The following GFRAL variants were observed in gnomAD, a reference collection of about 807,000 sequenced individuals.
GFRAL encodes the protein GDNF family receptor alpha-like.
In GFRAL, 36 loss-of-function variants were observed where a neutral mutation model predicts 45.4. That is an observed-to-expected ratio of 0.79 (90% CI 0.61 to 1.05). GFRAL has a LOEUF of 1.05. Ranked by LOEUF, GFRAL falls within the 50% of genes least tolerant of loss-of-function variation. GFRAL has a pLI of 0.00. For synonymous variants in GFRAL, 166 were observed against 154.1 expected, an observed-to-expected ratio of 1.08 and a Z score of -0.57; for missense variants, 507 against 467.5, an observed-to-expected ratio of 1.08 and a Z score of -0.78.
chr6:55,333,946 TA>T lies in GFRAL; in HGVS notation c.316+4del. 6.6e-7 allele frequency: 1 copy of T among 1,506,022 alleles called. No individual in the cohort carries two copies. Among genetic ancestry groups the T allele is most frequent in the Non-Finnish European group, 9.0e-7 (1 of 1,116,154 alleles). The allele number at this position is 1,506,022 out of a possible 1,614,324, so 93.3% of individuals were successfully genotyped here. A position where few individuals can be genotyped will look rare whatever the true frequency, so the allele number is the denominator to read the frequency against. On this transcript the variant is annotated splice_donor_region_variant and intron_variant, in intron 3 of 8. Coordinates refer to ENST00000340465, the MANE Select transcript of GFRAL (RefSeq NM_207410.2). ...GAAAAAAATGTATCAATAAATCAGG[TA>T]ATATTTTGTTTTAAGAAATGTTTAT...
chr6:55,398,883 T>C (rs974657776), intron 6 of GFRAL, among the ~76,000 whole-genome samples: 1 of 152,166 alleles, frequency 6.6e-6, no homozygotes, highest in East Asian at 1.9e-4. Context: ...AAAGTAACCA[T>C]CTTTTATTTT....
intron 6 of GFRAL, among the ~76,000 whole-genome samples, chr6:55,381,054 T>C (rs1411166973): frequency 3.9e-5 from 6 of 151,938 alleles, no homozygotes. Context: ...TCTCAAAAAG[T>C]TTGAGTAGTA....
At chr6:55,369,420 G>C (rs146777368) in intron 6 of GFRAL, among the ~76,000 whole-genome samples, 1 of 152,194 alleles carries the variant, frequency 6.6e-6, no homozygotes, top group South Asian at 2.1e-4. Context: ...GCTCAGGCTC[G>C]GAGCTGTAGA....
intron 3 of GFRAL, among the ~76,000 whole-genome samples, chr6:55,340,659 C>G (rs796959859): frequency 1.3e-5 from 2 of 152,200 alleles, no homozygotes; most frequent in African/African-American, 4.8e-5. Flanking sequence ...CTCACTGGGG[C>G]TTGTCAGACA....
intron 6 of GFRAL, among the ~76,000 whole-genome samples, chr6:55,374,960 C>T (rs1295497793): frequency 6.6e-6 from 1 of 152,044 alleles, no homozygotes; most frequent in East Asian, 1.9e-4. Context: ...TTTGAGCTCT[C>T]TATTCTCTTC....
intron 5 of GFRAL, among the ~76,000 whole-genome samples, chr6:55,352,940 T>C (rs1408787527): frequency 6.6e-6 from 1 of 152,008 alleles, no homozygotes; most frequent in South Asian, 2.1e-4. Context: ...AGAAGACAGA[T>C]ATTAAATTAA....
chr6:55,333,807 T>C lies in GFRAL; in HGVS notation c.179T>C (p.Met60Thr). The C allele has an allele frequency of 2.5e-6, 4 of 1,599,018 alleles. No homozygotes were observed. The highest frequency in any genetic ancestry group is 3.4e-6 in the Non-Finnish European group (4 of 1,173,566). The change falls in exon 3 of 9, where the codon ATG becomes ACG. Residue 60 changes from methionine to threonine, a missense_variant. Coordinates refer to ENST00000340465, the MANE Select transcript of GFRAL (RefSeq NM_207410.2). ...NDSDPGDPCK[M>T]RNSSYCNLSI... ...TGAGATCCAGGTGACCCCTGCAAGATGAGGAATTCATCATACTGTAACCTG... is the reference window on the plus strand; with the variant it reads ...TGAGATCCAGGTGACCCCTGCAAGACGAGGAATTCATCATACTGTAACCTG...
At chr6:55,351,812 A>C (rs1002155622) in intron 5 of GFRAL, among the ~76,000 whole-genome samples, 1 of 152,170 alleles carries the variant, frequency 6.6e-6, no homozygotes, top group Non-Finnish European at 1.5e-5. Flanking sequence ...ATGTCAAAAT[A>C]TGGTAGCCAT....
chr6:55,340,594 G>A (rs1389390711), intron 3 of GFRAL, among the ~76,000 whole-genome samples: 7 of 152,148 alleles, frequency 4.6e-5, no homozygotes, highest in Non-Finnish European at 1.0e-4. Context: ...CTCCCAGCCT[G>A]AGTGATGCAG....
chr6:55,340,150 A>G (rs942965972), intron 3 of GFRAL, among the ~76,000 whole-genome samples: 17 of 152,204 alleles, frequency 1.1e-4, no homozygotes, highest in Non-Finnish European at 2.1e-4. Flanking sequence ...GAAATTGATA[A>G]TTTAAATATG....
At chr6:55,397,515 A>T (rs1768842837) in intron 6 of GFRAL, among the ~76,000 whole-genome samples, 1 of 95,432 alleles carries the variant, frequency 1.0e-5, no homozygotes, top group African/African-American at 4.0e-5. Context: ...ACAGAGCGAG[A>T]CTCCGTCTCA....
chr6:55,352,253 A>T (rs773798882), intron 5 of GFRAL, among the ~76,000 whole-genome samples: 23 of 152,218 alleles, frequency 1.5e-4, no homozygotes, highest in Non-Finnish European at 2.4e-4. Context: ...ATTGCAAACC[A>T]TACATAATAA....
intron 6 of GFRAL, among the ~76,000 whole-genome samples, chr6:55,379,590 C>G (rs894660533): frequency 8.5e-6 from 1 of 118,270 alleles, no homozygotes; most frequent in East Asian, 2.1e-4. Flanking sequence ...CACACACACA[C>G]ACACACAAAC....
At chr6:55,395,934 G>A (rs543613275) in intron 6 of GFRAL, among the ~76,000 whole-genome samples, 4 of 152,114 alleles carry the variant, frequency 2.6e-5, no homozygotes, top group Middle Eastern at 3.4e-3. Context: ...GTTCATAATC[G>A]TGTTTAATTT....
At chr6:55,332,986 TAATC>T (rs1315102644) in intron 2 of GFRAL, among the ~76,000 whole-genome samples, 1 of 152,084 alleles carries the variant, frequency 6.6e-6, no homozygotes, top group Admixed American at 6.5e-5. Flanking sequence ...AATCTAAAAA[TAATC>T]TATTTATTTT....
chr6:55,367,716 G>C (rs888165133), intron 6 of GFRAL, among the ~76,000 whole-genome samples: 1 of 150,040 alleles, frequency 6.7e-6, no homozygotes, highest in Non-Finnish European at 1.5e-5. Context: ...AGTTTGGCTG[G>C]ATATGAAATT....
At chr6:55,392,474 CT>C (rs1768766171) in intron 6 of GFRAL, among the ~76,000 whole-genome samples, 1 of 152,342 alleles carries the variant, frequency 6.6e-6, no homozygotes, top group African/African-American at 2.4e-5. Flanking sequence ...ATTTCTGGTT[CT>C]GCTGTAATGG....
chr6:55,369,343 G>A (rs1170753443), intron 6 of GFRAL, among the ~76,000 whole-genome samples: 4 of 152,170 alleles, frequency 2.6e-5, no homozygotes, highest in African/African-American at 7.2e-5. Flanking sequence ...CCTACTGTCT[G>A]GCACTCCCTA....
At chr6:55,345,163 A>G (rs1768021201) in intron 3 of GFRAL, among the ~76,000 whole-genome samples, 1 of 152,170 alleles carries the variant, frequency 6.6e-6, no homozygotes, top group African/African-American at 2.4e-5. Context: ...GCTACCAATG[A>G]CTTCCTTCAC....
Sources: gnomAD v4.1 joint callset for allele counts (sites outside exome capture counted in the v4.1 genomes callset) on GRCh38, gnomAD v4.1.1 for gene constraint, MANE v1.5 for transcripts, NCBI Gene and HGNC (gene_info 2026-07-23, HGNC 2026-07-21) for gene names.